Variants in DENND2D observed in about 807,000 individuals in gnomAD.
The protein encoded by DENND2D is DENN domain containing 2D.
DENND2D carries 37 observed loss-of-function variants against 59.8 expected under a neutral mutation model. That is an observed-to-expected ratio of 0.62 (90% CI 0.48 to 0.81). The LOEUF is 0.81. DENND2D is among the 40% of genes least tolerant of loss of function. The pLI, the probability that DENND2D is intolerant of heterozygous loss-of-function variation, is 0.00. For synonymous variants in DENND2D, 219 were observed against 211.3 expected, an observed-to-expected ratio of 1.04 and a Z score of -0.31; for missense variants, 525 against 579.7, an observed-to-expected ratio of 0.91 and a Z score of 0.97.
chr1:111,192,154 T>C lies in DENND2D; in HGVS notation c.958A>G (p.Ser320Gly). 6.2e-7 allele frequency: 1 copy of C among 1,607,782 alleles called. No individual in the cohort carries two copies. Among genetic ancestry groups the C allele is most frequent in the Non-Finnish European group, 8.5e-7 (1 of 1,176,248 alleles). ...QMRFQQEVMDSPMEEVLLVNL... is the reference protein window; with the variant it reads ...QMRFQQEVMDGPMEEVLLVNL... ...CCACATCATACCTCTTCCATAGGGC[T>C]GTCCATGACCTCCTGCTGGAAGCGC... Residue 320 changes from serine (S) to glycine (G), a missense_variant, in exon 8 of 12, where the codon AGC (serine) becomes GGC (glycine). Physicochemically the swap from Ser to Gly is moderately conservative, Grantham distance 56. This residue lies in a region of DENND2D where 225 missense variants were observed against 252.4 expected (regional missense o/e 0.89). Transcript: ENST00000357640.
chr1:111,187,702 G>A, intron 11 of DENND2D, 21 bp from the exon 12 acceptor site: 1 of 1,589,080 alleles, frequency 6.3e-7, no homozygotes, highest in Non-Finnish European at 8.6e-7. Flanking sequence ...AAATACAGGT[G>A]TTAGAGGCAT....
chr1:111,188,882 C>A, intron 9 of DENND2D, 96 bp from the exon 10 acceptor site: 1 of 1,022,634 alleles, frequency 9.8e-7, no homozygotes, highest in Non-Finnish European at 1.5e-6. Context: ...TTCTACACCC[C>A]CACTCCACCC....
chr1:111,204,274 G>T (rs1206227438), upstream of DENND2D: 2 of 1,463,892 alleles, frequency 1.4e-6, no homozygotes, highest in South Asian at 1.3e-5. Context: ...GTCCCCCCGC[G>T]CTCTCCCCGG....
At position 111,195,992 on chromosome 1, in the gene DENND2D, C is replaced by T. The variant is rs1046174954; in HGVS notation, c.569G>A (p.Gly190Asp). ...SMAVIYPFMQ[G>D]LREAAFPAPG... ...AGCAGGGAAGGCTGCCTCTCGGAGG[C>T]CCTGCATGAACGGGTAGATGACAGC... The change falls in exon 6 of 12, where the codon GGC becomes GAC. Residue 190 changes from glycine to aspartate, a missense_variant. By Grantham distance (94) the Gly-to-Asp change is moderately conservative. Coordinates refer to ENST00000357640, the MANE Select transcript of DENND2D (RefSeq NM_024901.5). The T allele has an allele frequency of 6.2e-7, 1 of 1,613,918 alleles. No homozygotes were observed. Among genetic ancestry groups the T allele is most frequent in the African/African-American group, 1.3e-5 (1 of 75,010 alleles).
At chr1:111,197,654 G>C in intron 4 of DENND2D, 2 of 1,379,114 alleles carry the variant, frequency 1.5e-6, no homozygotes, top group Non-Finnish European at 1.9e-6. Flanking sequence ...GGCCTGGATA[G>C]AGCAGGCAGG....
chr1:111,187,282 A>G lies in DENND2D; in HGVS notation c.*323T>C. ...TGTGTTCTGTGTTGAAGATGTTATA[A>G]TGATGGGAGAGGGCAGTTGCAGCAG... On this transcript the variant is annotated 3_prime_UTR_variant, in exon 12 of 12. Transcript: ENST00000357640. 3.3e-6 allele frequency: 1 copy of G among 302,668 alleles called. No individual in the cohort carries two copies. The highest frequency in any genetic ancestry group is 4.3e-5 in the Admixed American group (1 of 23,190). 18.7% of individuals were successfully genotyped at this position (302,668 alleles called of 1,614,324 possible).
chr1:111,197,772 A>ATG, intron 4 of DENND2D, 148 bp downstream of exon 4: 5 of 1,454,132 alleles, frequency 3.4e-6, no homozygotes, highest in Non-Finnish European at 4.5e-6. Context: ...CAGAGGGAGC[A>ATG]CTAGCATGGC....
At chr1:111,188,816 C>G in intron 9 of DENND2D, 30 bp from the exon 10 acceptor site, 1 of 1,600,658 alleles carries the variant, frequency 6.2e-7, no homozygotes, top group South Asian at 1.1e-5. Flanking sequence ...CGAGGTCAAG[C>G]AGGAAGGAAG....
Position 111,199,788 on chromosome 1 carries a change from C to G in DENND2D, c.78G>C (p.Gln26His), listed in dbSNP as rs750249743. 52 of 1,612,302 alleles carry G rather than the reference C, an allele frequency of 3.2e-5. No homozygotes were observed. The highest frequency in any genetic ancestry group is 4.2e-5 in the Non-Finnish European group (50 of 1,179,470). ...RLLQLRAGPP[Q>H]DNSGEALKEP... ...CCTTTAAAGCTTCCCCTGAATTGTC[C>G]TGGGGTGGTCCTGAAATCAAGCCAG... The change falls in exon 2 of 12, where the codon CAG becomes CAC. Residue 26 changes from glutamine (Q) to histidine (H), a missense_variant. Gln to His is a conservative substitution (Grantham distance 24). Coordinates refer to ENST00000357640, the MANE Select transcript of DENND2D (RefSeq NM_024901.5).
chr1:111,188,485 A>G (rs1361263116), intron 10 of DENND2D, 115 bp from the exon 11 acceptor site: 25 of 1,451,368 alleles, frequency 1.7e-5, no homozygotes, highest in Non-Finnish European at 2.2e-5. Context: ...GCCATAGGGT[A>G]GGGTTCATAA....
chr1:111,204,182 G>T, upstream of DENND2D: 3 of 1,181,400 alleles, frequency 2.5e-6, no homozygotes, highest in African/African-American at 1.6e-5. Flanking sequence ...CCTTCCAACT[G>T]CTCCCGGATC....
chr1:111,200,713 A>T, upstream of DENND2D: 1 of 1,277,096 alleles, frequency 7.8e-7, no homozygotes, highest in Non-Finnish European at 1.0e-6. Flanking sequence ...TGCAGCGCAG[A>T]TCTCAGCTCC....
intron 8 of DENND2D, among the ~76,000 whole-genome samples, chr1:111,189,883 T>G (rs1405962756): frequency 1.3e-5 from 2 of 152,210 alleles, no homozygotes; most frequent in Non-Finnish European, 2.9e-5. Flanking sequence ...GAAAAACTCC[T>G]GCCTCTCGTG....
Position 111,198,625 on chromosome 1 carries a change from A to G in DENND2D, c.356+5T>C. ...CAATACCCTTGCCCAGGGCTGAGCAATTACCTGGGATACTCGGTGAGTGAT... is the reference window on the plus strand; with the variant it reads ...CAATACCCTTGCCCAGGGCTGAGCAGTTACCTGGGATACTCGGTGAGTGAT... On this transcript the variant is annotated splice_donor_5th_base_variant and intron_variant, in intron 3 of 11. Coordinates refer to ENST00000357640, the MANE Select transcript of DENND2D (RefSeq NM_024901.5). 2 of 1,613,760 alleles carry G rather than the reference A, an allele frequency of 1.2e-6. No homozygotes were observed. Among genetic ancestry groups the G allele is most frequent in the South Asian group, 2.2e-5 (2 of 91,078 alleles).
Position 111,192,481 on chromosome 1 carries a change from G to T in DENND2D, c.795-164C>A, listed in dbSNP as rs115204657. 5.4e-3 allele frequency among the ~76,000 whole-genome samples: 822 copies of T among 152,240 alleles called. 8 individuals carry two copies. Among genetic ancestry groups the T allele is most frequent in the African/African-American group, 0.019 (796 of 41,540 alleles). The stretch of plus-strand genomic sequence containing the variant: ...TGGTCACAGAGCTTGAACGTACATT[G>T]CTGGGAGGGAGGGACAGAAACTAGA... On this transcript the variant is annotated intron_variant, in intron 7 of 11. Coordinates refer to ENST00000357640, the MANE Select transcript of DENND2D (RefSeq NM_024901.5).
At chr1:111,204,265 T>TC (rs780343356), upstream of DENND2D, 106 of 1,452,390 alleles carry the variant, frequency 7.3e-5, 2 homozygotes, top group South Asian at 8.8e-4. Flanking sequence ...GCCCACGCCG[T>TC]CCCCCCGCGC....
At chr1:111,200,221 G>C in intron 1 of DENND2D, 172 bp downstream of exon 1, 1 of 824,614 alleles carries the variant, frequency 1.2e-6, no homozygotes. Flanking sequence ...CCCCAGAGAG[G>C]GCATGACCAG....
intron 8 of DENND2D, among the ~76,000 whole-genome samples, chr1:111,191,837 C>T (rs1309191885): frequency 6.6e-6 from 1 of 152,212 alleles, no homozygotes; most frequent in African/African-American, 2.4e-5. Context: ...ACAGAACAGT[C>T]TGCTCACCCC....
At chr1:111,199,491 TGAGCTCA>T in intron 2 of DENND2D, 125 bp downstream of exon 2, 1 of 993,568 alleles carries the variant, frequency 1.0e-6, no homozygotes, top group Non-Finnish European at 1.5e-6. Context: ...TGGAGAGCAG[TGAGCTCA>T]GAGCTCAGGG....
Sources: allele counts gnomAD v4.1 joint callset (sites outside exome capture counted in the v4.1 genomes callset), GRCh38; gene constraint gnomAD v4.1.1; regional missense constraint gnomAD v4.1.1; transcripts MANE v1.5; gene names NCBI Gene and HGNC (gene_info 2026-07-23, HGNC 2026-07-21).